Variants in THSD7A observed in about 807,000 individuals in gnomAD.
The protein encoded by THSD7A is thrombospondin type 1 domain containing 7A, also known as thrombospondin type-1 domain-containing protein 7A.
Under a neutral mutation model 231.3 loss-of-function variants are expected in THSD7A, and 96 were observed. That is an observed-to-expected ratio of 0.41 (90% CI 0.35 to 0.49). The LOEUF (loss-of-function observed/expected upper bound fraction) is 0.49. Ranked by LOEUF, THSD7A falls within the 20% of genes least tolerant of loss-of-function variation. The probability of loss-of-function intolerance (pLI) is 0.05; values close to 1 mark genes in which losing one functional copy is unlikely to be tolerated. For missense variants in THSD7A, 2,290 were observed against 2,070.2 expected, an observed-to-expected ratio of 1.11 and a Z score of -2.06; for synonymous variants, 940 against 743.3, an observed-to-expected ratio of 1.26 and a Z score of -4.30.
intron 6 of THSD7A, among the ~76,000 whole-genome samples, chr7:11,487,098 A>C (rs1377152137): frequency 6.6e-6 from 1 of 152,150 alleles, no homozygotes; most frequent in African/African-American, 2.4e-5. Context: ...TATTCTAATA[A>C]ACTTAAACAT....
chr7:11,702,847 G>A (rs542449129), intron 1 of THSD7A, among the ~76,000 whole-genome samples: 28 of 151,310 alleles, frequency 1.9e-4, no homozygotes, highest in African/African-American at 6.8e-4. Flanking sequence ...TATTAACTAT[G>A]ATTATTAGTA....
chr7:11,474,471 G>A lies in THSD7A; in HGVS notation c.2115C>T (p.Gly705=), dbSNP rs1241933105. The A allele has an allele frequency of 1.2e-6, 2 of 1,613,386 alleles. No individual in the cohort carries two copies. The highest frequency in any genetic ancestry group is 2.2e-5 in the East Asian group (1 of 44,820). Residue 705 remains glycine (G), a synonymous_variant, in exon 8 of 28, where the codon GGC becomes GGT. Coordinates refer to ENST00000423059, the MANE Select transcript of THSD7A (RefSeq NM_015204.3). The surrounding 1 kb of genome is among the most constrained non-coding windows in gnomAD (Gnocchi z 4.1). ...ATACTGAGGTGTCCTCAATGCACTG[G>A]CCCCAGGGACCAGTTTGCCAGTGGT... ...TVYHWQTGPW[G]QCIEDTSVSS...
At chr7:11,573,993 C>T (rs1241141400) in intron 4 of THSD7A, among the ~76,000 whole-genome samples, 1 of 152,118 alleles carries the variant, frequency 6.6e-6, no homozygotes, top group Non-Finnish European at 1.5e-5. Context: ...GTTATAAAAA[C>T]ATGTATTTTG....
In THSD7A at chr7:11,406,838, T is replaced by G; in HGVS notation, c.4062+72A>C. 2 of 1,524,784 alleles carry G rather than the reference T, an allele frequency of 1.3e-6. No homozygotes were observed. The highest frequency in any genetic ancestry group is 1.2e-5 in the South Asian group (1 of 80,314). 94.5% of individuals were successfully genotyped at this position (1,524,784 alleles called of 1,614,324 possible). ...GAAACATATTTCTAACACATTATTT[T>G]TATGTTTTTCTGCAGATGAAGTCTC... On this transcript the variant is annotated intron_variant, in intron 21 of 27. Transcript: ENST00000423059. This position sits in a 1 kb window ranked among gnomAD's most constrained non-coding sequence, Gnocchi z 4.7.
chr7:11,381,574 C>T (rs1489419210), intron 24 of THSD7A, among the ~76,000 whole-genome samples: 1 of 152,062 alleles, frequency 6.6e-6, no homozygotes, highest in Non-Finnish European at 1.5e-5. Context: ...GTTTTTTCCC[C>T]CGCAGCAGGG....
chr7:11,514,869 T>A (rs968345566), intron 6 of THSD7A, among the ~76,000 whole-genome samples: 1 of 152,284 alleles, frequency 6.6e-6, no homozygotes, highest in Admixed American at 6.5e-5. Flanking sequence ...GCACGAAAGC[T>A]CCAAAACTAA....
intron 4 of THSD7A, among the ~76,000 whole-genome samples, chr7:11,583,711 G>A (rs1330596841): frequency 6.6e-6 from 1 of 152,050 alleles, no homozygotes; most frequent in Non-Finnish European, 1.5e-5. Flanking sequence ...CAGTTTACAG[G>A]GGTAAATCCT....
chr7:11,702,503 C>T (rs1359768521), intron 1 of THSD7A, among the ~76,000 whole-genome samples: 1 of 151,188 alleles, frequency 6.6e-6, no homozygotes, highest in African/African-American at 2.4e-5. Context: ...TTTTCTGCCA[C>T]CAGCCTGAGA....
chr7:11,533,896 A>G (rs888019031), intron 6 of THSD7A, among the ~76,000 whole-genome samples: 4 of 152,186 alleles, frequency 2.6e-5, no homozygotes, highest in Admixed American at 2.0e-4. Flanking sequence ...AAAGTGATTT[A>G]AAAAACTGTT....
Position 11,415,073 on chromosome 7 carries a change from C to T in THSD7A, c.3538-2273G>A, listed in dbSNP as rs115158780. On this transcript the variant is annotated intron_variant, in intron 17 of 27. Coordinates refer to ENST00000423059, the MANE Select transcript of THSD7A (RefSeq NM_015204.3). Reference sequence around the variant, plus strand: ...TTCTTCACACACAGTGAACTATACCCTCTTTGGATGTGTAAAAAGACTGTA... The same window carrying T: ...TTCTTCACACACAGTGAACTATACCTTCTTTGGATGTGTAAAAAGACTGTA... Among the ~76,000 whole-genome samples the T allele has an allele frequency of 3.3e-3, 503 of 152,286 alleles. 1 individual carries two copies. The highest frequency in any genetic ancestry group is 0.011 in the African/African-American group (470 of 41,554).
At chr7:11,401,228 G>T (rs771948064) in intron 23 of THSD7A, among the ~76,000 whole-genome samples, 1 of 151,926 alleles carries the variant, frequency 6.6e-6, no homozygotes, top group Non-Finnish European at 1.5e-5. Context: ...TGTTATAAGC[G>T]TACAAATAAT....
intron 13 of THSD7A, among the ~76,000 whole-genome samples, chr7:11,435,533 T>G (rs2128291755): frequency 6.6e-6 from 1 of 152,158 alleles, no homozygotes; most frequent in Non-Finnish European, 1.5e-5. Flanking sequence ...TAATGAAACC[T>G]GAATAAAAAC....
chr7:11,829,330 T>C (rs1785122518), intron 1 of THSD7A, among the ~76,000 whole-genome samples: 6 of 152,120 alleles, frequency 3.9e-5, no homozygotes, highest in Admixed American at 3.9e-4. Flanking sequence ...TATGCATTCA[T>C]ATATATGAAG....
intron 1 of THSD7A, among the ~76,000 whole-genome samples, chr7:11,684,495 C>A (rs981769268): frequency 6.6e-6 from 1 of 151,408 alleles, no homozygotes; most frequent in Non-Finnish European, 1.5e-5. Context: ...CCTAAAGATT[C>A]CACTGTAAGG....
intron 4 of THSD7A, among the ~76,000 whole-genome samples, chr7:11,563,814 G>A (rs966419874): frequency 1.3e-5 from 2 of 152,148 alleles, no homozygotes; most frequent in Non-Finnish European, 2.9e-5. Flanking sequence ...TTCATGAATT[G>A]ATAGCCATTA....
chr7:11,432,394 T>C (rs1784503338), intron 13 of THSD7A, among the ~76,000 whole-genome samples: 1 of 152,096 alleles, frequency 6.6e-6, no homozygotes, highest in Non-Finnish European at 1.5e-5. Context: ...AAAAGTGCAT[T>C]TTCCATAGAC....
Position 11,606,467 on chromosome 7 carries a change from T to A in THSD7A, c.1023-12965A>T, listed in dbSNP as rs114478898. ...CCTAGCCCCTTTATGAGGCTTATTGTACTGTGATAAGCTTGTATGACTTTT... is the reference window on the plus strand; with the variant it reads ...CCTAGCCCCTTTATGAGGCTTATTGAACTGTGATAAGCTTGTATGACTTTT... On this transcript the variant is annotated intron_variant, in intron 2 of 27. Coordinates refer to ENST00000423059, the MANE Select transcript of THSD7A (RefSeq NM_015204.3). Among the ~76,000 whole-genome samples, 662 of 152,262 alleles carry A rather than the reference T, an allele frequency of 4.3e-3. 2 individuals are homozygous for A. Among genetic ancestry groups the A allele is most frequent in the African/African-American group, 0.015 (621 of 41,562 alleles).
At chr7:11,460,623 C>A in intron 11 of THSD7A, 39 bp downstream of exon 11, 2 of 1,519,864 alleles carry the variant, frequency 1.3e-6, no homozygotes, top group Non-Finnish European at 1.8e-6. Context: ...GTTAAACTAG[C>A]GATGCTGGAG....
chr7:11,780,739 T>A (rs894981376), intron 1 of THSD7A, among the ~76,000 whole-genome samples: 1 of 152,068 alleles, frequency 6.6e-6, no homozygotes, highest in African/African-American at 2.4e-5. Context: ...GCCACTGAGT[T>A]TAGAGTATGT....
Sources: allele counts gnomAD v4.1 joint callset (sites outside exome capture counted in the v4.1 genomes callset), GRCh38; gene constraint gnomAD v4.1.1; non-coding constraint Gnocchi (gnomAD v3.1); transcripts MANE v1.5; gene names NCBI Gene and HGNC (gene_info 2026-07-23, HGNC 2026-07-21).